PDE1A: variants seen among roughly 807,000 people sequenced by gnomAD.
PDE1A encodes the protein phosphodiesterase 1A, also known as dual specificity calcium/calmodulin-dependent 3',5'-cyclic nucleotide phosphodiesterase 1A.
Under a neutral mutation model 61.7 loss-of-function variants are expected in PDE1A, and 35 were observed. The observed-to-expected ratio is 0.57, with a 90% confidence interval of 0.43 to 0.75. The LOEUF is 0.75. PDE1A is among the 30% of genes least tolerant of loss of function. The pLI, the probability that PDE1A is intolerant of heterozygous loss-of-function variation, is 0.00. For missense variants in PDE1A, 597 were observed against 630.6 expected, an observed-to-expected ratio of 0.95 and a Z score of 0.57; for synonymous variants, 232 against 213.2, an observed-to-expected ratio of 1.09 and a Z score of -0.77.
chr2:182,349,555 T>A (rs1484048521), intron 1 of PDE1A, among the ~76,000 whole-genome samples: 1 of 152,204 alleles, frequency 6.6e-6, no homozygotes, highest in African/African-American at 2.4e-5. Context: ...ACCATCAATC[T>A]TCTGATTAGA....
At chr2:182,363,087 G>A (rs1196221177) in intron 1 of PDE1A, among the ~76,000 whole-genome samples, 1 of 151,912 alleles carries the variant, frequency 6.6e-6, no homozygotes, top group Non-Finnish European at 1.5e-5. Flanking sequence ...AGGAGGAAGA[G>A]GATCAGGAAA....
the PDE1A span, among the ~76,000 whole-genome samples, chr2:182,624,439 C>T: frequency 6.6e-6 from 1 of 152,120 alleles, no homozygotes; most frequent in Admixed American, 6.5e-5. Context: ...GTACTAGATC[C>T]TAAGAGGAAT....
At chr2:182,553,711 G>T in the PDE1A span, among the ~76,000 whole-genome samples, 1 of 152,188 alleles carries the variant, frequency 6.6e-6, no homozygotes. Flanking sequence ...CTTCTCACAG[G>T]AGGTTTCATT....
chr2:182,472,621 T>C (rs916709261), intron 2 of PDE1A, among the ~76,000 whole-genome samples: 2 of 151,826 alleles, frequency 1.3e-5, no homozygotes, highest in African/African-American at 4.8e-5. Flanking sequence ...TGCATTACTC[T>C]AGTTATGGAT....
chr2:182,657,791 G>A, the PDE1A span, among the ~76,000 whole-genome samples: 1 of 151,956 alleles, frequency 6.6e-6, no homozygotes, highest in African/African-American at 2.4e-5. Context: ...GAAGCCCCAG[G>A]TGGCTAAAAA....
chr2:182,477,065 A>G (rs75742852), intron 2 of PDE1A, among the ~76,000 whole-genome samples: 4 of 151,910 alleles, frequency 2.6e-5, no homozygotes, highest in Admixed American at 2.0e-4. Context: ...GGGCTATGAC[A>G]TCAAAAAACA....
chr2:182,221,051 C>T (rs141894410), intron 7 of PDE1A, among the ~76,000 whole-genome samples: 1 of 151,940 alleles, frequency 6.6e-6, no homozygotes, highest in East Asian at 1.9e-4. Context: ...CATGATTCTT[C>T]TTTTTCCTTC....
At chr2:182,229,555 C>G (rs1427649286) in intron 6 of PDE1A, among the ~76,000 whole-genome samples, 4 of 152,098 alleles carry the variant, frequency 2.6e-5, no homozygotes, top group Non-Finnish European at 5.9e-5. Flanking sequence ...CAAAAATTGA[C>G]ATTAATAATT....
chr2:182,439,945 A>G (rs774676179), intron 2 of PDE1A, among the ~76,000 whole-genome samples: 1 of 152,042 alleles, frequency 6.6e-6, no homozygotes, highest in Non-Finnish European at 1.5e-5. Context: ...TTTTGGGAGG[A>G]CATGTGTAGG....
rs141352788 is a variant in PDE1A, at chr2:182,490,769, G to T, written c.101+31507C>A. On this transcript the variant is annotated intron_variant, in intron 2 of 14. Transcript: ENST00000410103. Reference sequence around the variant, plus strand: ...GGGAAAATAATGCAAGCTAAAGCAGGCACAATTTTAAGAGTGATGTCCTTG... The same window carrying T: ...GGGAAAATAATGCAAGCTAAAGCAGTCACAATTTTAAGAGTGATGTCCTTG... Among the ~76,000 whole-genome samples the T allele has an allele frequency of 1.3e-4, 20 of 152,258 alleles. No individual in the cohort carries two copies. In the East Asian group the frequency reaches 3.3e-3, roughly 25 times the overall value.
intron 1 of PDE1A, among the ~76,000 whole-genome samples, chr2:182,383,014 C>A (rs558584604): frequency 1.3e-5 from 2 of 152,150 alleles, no homozygotes; most frequent in African/African-American, 4.8e-5. Context: ...ACCACCAATA[C>A]GTTAAAACCC....
intron 1 of PDE1A, among the ~76,000 whole-genome samples, chr2:182,386,596 C>G (rs1289340729): frequency 1.3e-5 from 2 of 149,562 alleles, no homozygotes; most frequent in African/African-American, 5.0e-5. Context: ...AAGTGAGGAG[C>G]CCCTCCGCCC....
exon 15 of PDE1A, chr2:182,141,564 C>T (rs957030499): frequency 6.6e-6 from 1 of 152,140 alleles, no homozygotes; most frequent in African/African-American, 2.4e-5. Context: ...TTTATACAGC[C>T]TACATCCAAA....
intron 2 of PDE1A, among the ~76,000 whole-genome samples, chr2:182,256,049 T>C (rs1237456423): frequency 6.6e-6 from 1 of 150,438 alleles, no homozygotes; most frequent in Non-Finnish European, 1.5e-5. Context: ...TTTTTTTTTT[T>C]TTTTTTTTTC....
upstream of PDE1A, among the ~76,000 whole-genome samples, chr2:182,430,105 T>C (rs1446507201): frequency 1.3e-5 from 2 of 152,114 alleles, no homozygotes; most frequent in Admixed American, 1.3e-4. Context: ...ACATATATGA[T>C]ATTATCTCAA....
intron 2 of PDE1A, among the ~76,000 whole-genome samples, chr2:182,464,628 A>G (rs1240188723): frequency 6.6e-6 from 1 of 152,198 alleles, no homozygotes; most frequent in Non-Finnish European, 1.5e-5. Flanking sequence ...TTAATTTATG[A>G]CAATTGCAGT....
the PDE1A span, among the ~76,000 whole-genome samples, chr2:182,587,660 C>T: frequency 6.6e-6 from 1 of 152,156 alleles, no homozygotes; most frequent in Non-Finnish European, 1.5e-5. Flanking sequence ...AAATCGATGG[C>T]TGATCGGGTT....
At chr2:182,649,912 A>C in the PDE1A span, among the ~76,000 whole-genome samples, 3 of 152,162 alleles carry the variant, frequency 2.0e-5, no homozygotes, top group Admixed American at 2.0e-4. Context: ...CCGGCCTACA[A>C]AAAAATTTTT....
chr2:182,691,633 G>C, the PDE1A span, among the ~76,000 whole-genome samples: 1 of 152,142 alleles, frequency 6.6e-6, no homozygotes, highest in Non-Finnish European at 1.5e-5. Flanking sequence ...AGGACTTCAT[G>C]TCTAAAACAC....
Sources: allele counts gnomAD v4.1 joint callset (sites outside exome capture counted in the v4.1 genomes callset), GRCh38; gene constraint gnomAD v4.1.1; transcripts MANE v1.5; gene names NCBI Gene and HGNC (gene_info 2026-07-23, HGNC 2026-07-21).